Variants in PID1 observed in about 807,000 individuals in gnomAD.
PID1 encodes phosphotyrosine interaction domain containing 1.
A neutral mutation model predicts 19.1 loss-of-function variants in PID1; 10 were observed. The ratio of observed to expected loss-of-function variants is 0.52; its 90% CI spans 0.32 to 0.89. The LOEUF (loss-of-function observed/expected upper bound fraction) is 0.89, where lower values mean the gene tolerates loss of function less well. Among genes scored for constraint, PID1 ranks in the 40% least tolerant of loss-of-function variants. The pLI, the probability that PID1 is intolerant of heterozygous loss-of-function variation, is 0.03. For synonymous variants in PID1, 130 were observed against 116.0 expected, an observed-to-expected ratio of 1.12 and a Z score of -0.78; for missense variants, 248 against 285.3, an observed-to-expected ratio of 0.87 and a Z score of 0.94.
intron 2 of PID1, among the ~76,000 whole-genome samples, chr2:229,100,245 C>T (rs186015007): frequency 6.6e-6 from 1 of 152,216 alleles, no homozygotes; most frequent in African/African-American, 2.4e-5. Context: ...GACTAAGACA[C>T]CTTTATATTT....
chr2:229,057,763 G>T (rs946445876), intron 2 of PID1, among the ~76,000 whole-genome samples: 2 of 152,174 alleles, frequency 1.3e-5, no homozygotes, highest in Non-Finnish European at 2.9e-5. Flanking sequence ...TTTCCAGGGA[G>T]ATGTTGACAA....
intron 1 of PID1, among the ~76,000 whole-genome samples, chr2:229,175,769 C>T (rs1470260652): frequency 6.6e-6 from 1 of 152,230 alleles, no homozygotes; most frequent in Non-Finnish European, 1.5e-5. Flanking sequence ...TTGAGGACCA[C>T]TGGTTTTAAA....
chr2:229,258,312 C>T (rs536251148), intron 1 of PID1, among the ~76,000 whole-genome samples: 203 of 152,298 alleles, frequency 1.3e-3, no homozygotes, highest in Middle Eastern at 3.4e-3. Flanking sequence ...TGACTAAGAT[C>T]CCTAGGCAAA....
chr2:229,186,017 C>T (rs911304581), intron 1 of PID1, among the ~76,000 whole-genome samples: 2 of 152,182 alleles, frequency 1.3e-5, no homozygotes, highest in African/African-American at 4.8e-5. Flanking sequence ...AGGGTACAGG[C>T]ATTTGATACA....
At chr2:229,140,408 T>C (rs1036442369) in intron 2 of PID1, among the ~76,000 whole-genome samples, 4 of 152,128 alleles carry the variant, frequency 2.6e-5, no homozygotes, top group African/African-American at 9.7e-5. Context: ...AGTGAAGTTA[T>C]GGATTACAAA....
intron 2 of PID1, among the ~76,000 whole-genome samples, chr2:229,096,727 T>C (rs1694977760): frequency 6.6e-6 from 1 of 152,168 alleles, no homozygotes; most frequent in Non-Finnish European, 1.5e-5. Flanking sequence ...CTGGCTTCTA[T>C]CTCCTTGGGA....
At chr2:229,086,715 C>T (rs1694774462) in intron 2 of PID1, among the ~76,000 whole-genome samples, 1 of 152,116 alleles carries the variant, frequency 6.6e-6, no homozygotes, top group South Asian at 2.1e-4. Flanking sequence ...ATCACATAAG[C>T]TAAATATGTC....
chr2:229,250,541 T>C (rs1357691356), intron 1 of PID1, among the ~76,000 whole-genome samples: 1 of 152,198 alleles, frequency 6.6e-6, no homozygotes, highest in Non-Finnish European at 1.5e-5. Context: ...ATCTTCCACA[T>C]CTGCCATTAT....
intron 2 of PID1, among the ~76,000 whole-genome samples, chr2:229,081,371 A>C (rs188859626): frequency 1.3e-5 from 2 of 152,202 alleles, no homozygotes; most frequent in African/African-American, 4.8e-5. Context: ...GCAACATAAA[A>C]TGTACAGTGC....
intron 1 of PID1, among the ~76,000 whole-genome samples, chr2:229,157,286 C>A (rs750016109): frequency 6.6e-6 from 1 of 151,932 alleles, no homozygotes; most frequent in Non-Finnish European, 1.5e-5. Context: ...AAAAATTAGC[C>A]GGGCGTGATG....
intron 1 of PID1, among the ~76,000 whole-genome samples, chr2:229,166,210 A>G (rs1690593600): frequency 6.6e-6 from 1 of 152,220 alleles, no homozygotes; most frequent in Admixed American, 6.5e-5. Flanking sequence ...ACAAACAAAA[A>G]AAGAGAACAT....
At chr2:229,139,975 T>C (rs1689977052) in intron 2 of PID1, among the ~76,000 whole-genome samples, 1 of 152,118 alleles carries the variant, frequency 6.6e-6, no homozygotes, top group Non-Finnish European at 1.5e-5. Flanking sequence ...CACCAGTCTA[T>C]CATTTTCTCC....
At chr2:229,140,705 A>G (rs1689993461) in intron 2 of PID1, among the ~76,000 whole-genome samples, 2 of 152,190 alleles carry the variant, frequency 1.3e-5, no homozygotes, top group African/African-American at 2.4e-5. Flanking sequence ...AATCCATCAT[A>G]ATAACAAGAT....
intron 2 of PID1, among the ~76,000 whole-genome samples, chr2:229,027,969 T>C (rs1350161849): frequency 6.6e-6 from 1 of 152,160 alleles, no homozygotes; most frequent in African/African-American, 2.4e-5. Context: ...GAACTCAGAC[T>C]TTCCTGATGC....
intron 2 of PID1, among the ~76,000 whole-genome samples, chr2:229,121,276 G>A (rs1199256682): frequency 6.6e-6 from 1 of 152,028 alleles, no homozygotes; most frequent in Non-Finnish European, 1.5e-5. Flanking sequence ...AGTAATTTTT[G>A]AACCTCAAAG....
intron 2 of PID1, among the ~76,000 whole-genome samples, chr2:229,109,466 C>T (rs1440334476): frequency 6.6e-6 from 1 of 152,178 alleles, no homozygotes; most frequent in Non-Finnish European, 1.5e-5. Flanking sequence ...CCACATGGGC[C>T]AGTCCACAGG....
chr2:229,072,305 T>C (rs1694472285), intron 2 of PID1, among the ~76,000 whole-genome samples: 3 of 152,206 alleles, frequency 2.0e-5, no homozygotes, highest in African/African-American at 4.8e-5. Flanking sequence ...TATAAAACTA[T>C]AGGCCAGGCG....
At chr2:229,251,960 A>C (rs1179782851) in intron 1 of PID1, among the ~76,000 whole-genome samples, 1 of 151,564 alleles carries the variant, frequency 6.6e-6, no homozygotes, top group Admixed American at 6.6e-5. Flanking sequence ...AAAAAAAAAA[A>C]AAAGAAAAGC....
chr2:229,152,433 C>T (rs144287380), intron 2 of PID1, among the ~76,000 whole-genome samples: 2 of 152,198 alleles, frequency 1.3e-5, no homozygotes, highest in African/African-American at 4.8e-5. Flanking sequence ...ATTCCTTTTT[C>T]CACAATACCA....
Sources: allele counts gnomAD v4.1 joint callset (sites outside exome capture counted in the v4.1 genomes callset), GRCh38; gene constraint gnomAD v4.1.1; transcripts MANE v1.5; gene names NCBI Gene and HGNC (gene_info 2026-07-23, HGNC 2026-07-21).